Variants in SEMA3A observed in about 807,000 individuals in gnomAD.
SEMA3A encodes the protein semaphorin 3A, also known as semaphorin-3A.
A neutral mutation model predicts 97.9 loss-of-function variants in SEMA3A; 29 were observed. The ratio of observed to expected loss-of-function variants is 0.30; its 90% confidence interval spans 0.22 to 0.40. The LOEUF is 0.40. Ranked by LOEUF, SEMA3A falls within the 10% of genes least tolerant of loss-of-function variation. SEMA3A has a pLI of 1.00. For missense variants in SEMA3A, 763 were observed against 951.3 expected (o/e 0.80, Z 2.60); for synonymous variants, 321 against 323.7 (o/e 0.99, Z 0.09).
chr7:84,442,524 A>T (rs1447835579), intron 1 of SEMA3A, among the ~76,000 whole-genome samples: 2 of 152,134 alleles, frequency 1.3e-5, no homozygotes, highest in East Asian at 3.8e-4. Flanking sequence ...AAAAAAAATC[A>T]ACTAAACACC....
At chr7:84,349,708 C>T (rs1237994975) in intron 2 of SEMA3A, among the ~76,000 whole-genome samples, 1 of 152,166 alleles carries the variant, frequency 6.6e-6, no homozygotes, top group African/African-American at 2.4e-5. Context: ...CTATGGCCTC[C>T]ATATAAATTA....
intron 1 of SEMA3A, among the ~76,000 whole-genome samples, chr7:84,157,232 A>G (rs1022626237): frequency 1.3e-5 from 2 of 152,182 alleles, no homozygotes; most frequent in African/African-American, 4.8e-5. Flanking sequence ...CAAACTTCTC[A>G]TAACAATACA....
intron 1 of SEMA3A, among the ~76,000 whole-genome samples, chr7:84,376,562 C>G (rs1042060074): frequency 1.9e-5 from 2 of 105,164 alleles, no homozygotes; most frequent in Non-Finnish European, 3.9e-5. Context: ...CGAGATCGCG[C>G]CACTGCACTC....
In SEMA3A at chr7:83,960,149, TA is replaced by T. The variant is rs1167277770; in HGVS notation, c.*1221del. ...TGAATAGTTATTGATCTCTCTCTTT[TA>T]AAAAAATTAAGTGACACAGATATAA... On this transcript the variant is annotated 3_prime_UTR_variant, in exon 17 of 17. Coordinates refer to ENST00000265362, the MANE Select transcript of SEMA3A (RefSeq NM_006080.3). 10 of 152,014 alleles carry T rather than the reference TA, an allele frequency of 6.6e-5. No individual in the cohort carries two copies. Among genetic ancestry groups the T allele is most frequent in the African/African-American group, 2.4e-4 (10 of 41,412 alleles). 9.4% of individuals were successfully genotyped at this position (152,014 alleles called of 1,614,324 possible).
At position 84,149,724 on chromosome 7, in the gene SEMA3A, A is replaced by C. The variant is rs376167831; in HGVS notation, c.113-14773T>G. 2.6e-5 allele frequency among the ~76,000 whole-genome samples: 4 copies of C among 152,364 alleles called. No individual in the cohort carries two copies. The East Asian group carries it at 5.8e-4, about 22-fold the overall frequency. On this transcript the variant is annotated intron_variant, in intron 1 of 16. Coordinates refer to ENST00000265362, the MANE Select transcript of SEMA3A (RefSeq NM_006080.3). ...AAAACAAAAACAAAACACTACTAAC[A>C]ATGTTAAAATTACAAGTCATAAACA...
rs1562770030 is a variant in SEMA3A, at chr7:84,086,491, C to CATATAATATATTATTATATTATATTTAT, written c.453+23951_453+23978dup. 1.3e-3 allele frequency among the ~76,000 whole-genome samples: 73 copies of CATATAATATATTATTATATTATATTTAT among 54,442 alleles called. 1 individual carries two copies. The highest frequency in any genetic ancestry group is 2.8e-3 in the African/African-American group (68 of 24,536). 35.7% of individuals were successfully genotyped at this position (54,442 alleles called of 152,430 possible). On this transcript the variant is annotated intron_variant, in intron 4 of 16. Transcript: ENST00000265362. ...AATATGTATTATTATATTATATTTACATATAATATATTATTATATTATATT... is the reference window on the plus strand; with the variant it reads ...AATATGTATTATTATATTATATTTACATATAATATATTATTATATTATATTTATATATAATATATTATTATATTATATT...
intron 1 of SEMA3A, among the ~76,000 whole-genome samples, chr7:84,460,247 G>A (rs1267572246): frequency 6.6e-6 from 1 of 151,954 alleles, no homozygotes; most frequent in South Asian, 2.1e-4. Flanking sequence ...AAATAGAAAG[G>A]CAAATACATC....
intron 1 of SEMA3A, among the ~76,000 whole-genome samples, chr7:84,139,908 T>G (rs2116066845): frequency 6.6e-6 from 1 of 152,176 alleles, no homozygotes; most frequent in East Asian, 1.9e-4. Flanking sequence ...AATTTTAATT[T>G]TTATTCTATT....
chr7:84,024,395 A>C (rs1227901812), intron 6 of SEMA3A, among the ~76,000 whole-genome samples: 1 of 151,930 alleles, frequency 6.6e-6, no homozygotes. Flanking sequence ...ACAAAAAAAA[A>C]ATTAGACGAG....
At position 83,958,679 on chromosome 7, in the gene SEMA3A, T is replaced by G. The variant is rs1016558682; in HGVS notation, c.*2692A>C. 4.6e-5 allele frequency: 7 copies of G among 152,626 alleles called. No homozygotes were observed. Among genetic ancestry groups the G allele is most frequent in the Non-Finnish European group, 8.8e-5 (6 of 67,952 alleles). The allele number at this position is 152,626 out of a possible 1,614,324, so 9.5% of individuals were successfully genotyped here. On this transcript the variant is annotated 3_prime_UTR_variant, in exon 17 of 17. Transcript: ENST00000265362. ...TTCTCCCAAATTATTTACATCTTTT[T>G]TTTGCCTAATGTGTAGGTAGCAAAA...
At chr7:84,321,071 T>C (rs573561462) in intron 2 of SEMA3A, among the ~76,000 whole-genome samples, 1 of 152,274 alleles carries the variant, frequency 6.6e-6, no homozygotes, top group South Asian at 2.1e-4. Context: ...TAATAACAAG[T>C]TTGATTACAA....
At chr7:84,466,753 T>C (rs1236755115) in intron 1 of SEMA3A, among the ~76,000 whole-genome samples, 2 of 152,126 alleles carry the variant, frequency 1.3e-5, no homozygotes, top group African/African-American at 2.4e-5. Context: ...TAGAAGTCGG[T>C]TGTTTCTACT....
intron 2 of SEMA3A, among the ~76,000 whole-genome samples, chr7:84,322,169 C>A (rs1351869929): frequency 2.6e-5 from 4 of 151,668 alleles, no homozygotes; most frequent in Non-Finnish European, 4.4e-5. Flanking sequence ...CATTACCTCC[C>A]ACCAGGTTCT....
chr7:84,184,407 C>T lies in SEMA3A; in HGVS notation c.112+10068G>A, dbSNP rs566118034. Reference sequence around the variant, plus strand: ...AAGTAAGAAACTCTGTAGCTCTGGGCCAGTGCGGGAGAGCCTAGCTTGAGA... The same window carrying T: ...AAGTAAGAAACTCTGTAGCTCTGGGTCAGTGCGGGAGAGCCTAGCTTGAGA... On this transcript the variant is annotated intron_variant, in intron 1 of 16. Transcript: ENST00000265362. 7.2e-5 allele frequency among the ~76,000 whole-genome samples: 11 copies of T among 152,196 alleles called. 1 individual carries two copies. The East Asian group carries it at 2.1e-3, about 29-fold the overall frequency.
chr7:84,080,847 C>T lies in SEMA3A; in HGVS notation c.454-20289G>A, dbSNP rs1359886547. Among the ~76,000 whole-genome samples, 10 of 1,280 alleles carry T rather than the reference C, an allele frequency of 7.8e-3. 4 individuals carry two copies. Among genetic ancestry groups the T allele is most frequent in the African/African-American group, 0.033 (6 of 180 alleles). The allele number at this position is 1,280 out of a possible 152,430, so 0.8% of individuals were successfully genotyped here. On this transcript the variant is annotated intron_variant, in intron 4 of 16. Coordinates refer to ENST00000265362, the MANE Select transcript of SEMA3A (RefSeq NM_006080.3). ...TCGGCCTCCCAAAGTGCTGGGATTACAGGCGTGAGCCACCGCGCCCGGCCG... is the reference window on the plus strand; with the variant it reads ...TCGGCCTCCCAAAGTGCTGGGATTATAGGCGTGAGCCACCGCGCCCGGCCG...
intron 7 of SEMA3A, among the ~76,000 whole-genome samples, chr7:84,012,045 G>A (rs1388647523): frequency 6.6e-6 from 1 of 152,126 alleles, no homozygotes; most frequent in Non-Finnish European, 1.5e-5. Context: ...TGAACTCACA[G>A]ATGCAGAGAG....
At chr7:84,395,250 C>G (rs1423932253) in intron 1 of SEMA3A, among the ~76,000 whole-genome samples, 1 of 151,834 alleles carries the variant, frequency 6.6e-6, no homozygotes, top group African/African-American at 2.4e-5. Context: ...TGGGAGCCCC[C>G]AGGCAACTAA....
intron 1 of SEMA3A, among the ~76,000 whole-genome samples, chr7:84,143,949 TAACACACA>T (rs1201514545): frequency 7.2e-4 from 29 of 40,492 alleles, no homozygotes; most frequent in East Asian, 2.7e-3. Context: ...TCTCTCTCTC[TAACACACA>T]CACACACACA....
chr7:84,385,064 AAC>A (rs58600722), intron 1 of SEMA3A, among the ~76,000 whole-genome samples: 25,380 of 146,852 alleles, frequency 0.17, 2,702 homozygotes, highest in East Asian at 0.56. Context: ...ACATCCACAA[AAC>A]ACACACACAC....
Sources: allele counts gnomAD v4.1 joint callset (sites outside exome capture counted in the v4.1 genomes callset), GRCh38; gene constraint gnomAD v4.1.1; transcripts MANE v1.5; gene names NCBI Gene and HGNC (gene_info 2026-07-23, HGNC 2026-07-21).